The following MYO9B variants were observed in gnomAD, a reference collection of about 807,000 sequenced individuals.
MYO9B encodes myosin IXB.
A neutral mutation model predicts 229.5 loss-of-function variants in MYO9B; 71 were observed. The observed-to-expected ratio is 0.31, with a 90% CI of 0.26 to 0.38. The LOEUF is 0.38. Ranked by LOEUF, MYO9B falls within the 10% of genes least tolerant of loss-of-function variation. The probability of loss-of-function intolerance (pLI) is 1.00; values close to 1 mark genes in which losing one functional copy is unlikely to be tolerated. For missense variants in MYO9B, 2,255 were observed against 2,920.5 expected (o/e 0.77, Z 5.25); for synonymous variants, 1,185 against 1,235.8 (o/e 0.96, Z 0.86).
chr19:17,107,935 TCC>T (rs35509949), intron 2 of MYO9B, among the ~76,000 whole-genome samples: 1 of 152,088 alleles, frequency 6.6e-6, no homozygotes, highest in Non-Finnish European at 1.5e-5. Flanking sequence ...GCCCACAGCA[TCC>T]CCCATACAGC....
intron 2 of MYO9B, among the ~76,000 whole-genome samples, chr19:17,141,354 C>T (rs2072337198): frequency 6.6e-6 from 1 of 152,148 alleles, no homozygotes; most frequent in African/African-American, 2.4e-5. Context: ...CCCAGCCTCT[C>T]AAATGGGAGC....
rs369790194 is a variant in MYO9B at position 17,202,813 on chromosome 19, C to T, written c.4837-29C>T. On this transcript the variant is annotated intron_variant, in intron 28 of 39. Coordinates refer to ENST00000682292, the MANE Select transcript of MYO9B (RefSeq NM_004145.4). ...TTGGGGCTCTTCCCAGGGGGGCCCC[C>T]GCCAACCTCCTCCTTGTGTTCCTCA... 8.9e-6 allele frequency: 14 copies of T among 1,572,220 alleles called. No homozygotes were observed. In the East Asian group the frequency reaches 1.2e-4, roughly 13 times the overall value.
At chr19:17,210,677 CA>C in intron 37 of MYO9B, 37 bp from the exon 38 acceptor site, 1 of 1,500,742 alleles carries the variant, frequency 6.7e-7, no homozygotes, top group Non-Finnish European at 8.9e-7. Context: ...CTCGCCCACT[CA>C]GAGATGTCAG....
Position 17,172,930 on chromosome 19 carries a change from C to T in MYO9B, c.2107C>T (p.Arg703Cys), listed in dbSNP as rs200912082. The T allele has an allele frequency of 1.7e-4, 270 of 1,599,058 alleles. No homozygotes were observed. The highest frequency in any genetic ancestry group is 9.9e-4 in the Middle Eastern group (6 of 6,036). ...CATGGCAGTGCTTCGGGAGGCCGGA[C>T]GCCTGCGGGCCGAGAGGGCCGAAAA... ...RAMAVLREAG[R>C]LRAERAEKAA... Residue 703 changes from arginine (R) to cysteine (C), a missense_variant, in exon 13 of 40, where the codon CGC becomes TGC. By Grantham distance (180) the Arg-to-Cys change is radical. Around this residue, in one of 7 missense-constraint regions of MYO9B, gnomAD observed 155 missense variants for 159.1 expected, o/e 0.97. Transcript: ENST00000682292. The surrounding 1 kb of genome is among the most constrained non-coding windows in gnomAD (Gnocchi z 8.2).
chr19:17,202,413 C>A (rs113780840), intron 28 of MYO9B, 110 bp downstream of exon 28: 1 of 1,090,488 alleles, frequency 9.2e-7, no homozygotes, highest in Non-Finnish European at 1.3e-6. Context: ...CACACCCACC[C>A]ATGCCCTGCC....
chr19:17,201,560 G>A (rs1376568702), intron 26 of MYO9B, among the ~76,000 whole-genome samples: 1 of 152,146 alleles, frequency 6.6e-6, no homozygotes, highest in Middle Eastern at 3.2e-3. Flanking sequence ...GAACTGACCT[G>A]TAGCTCTCAT....
chr19:17,205,166 AG>A, intron 30 of MYO9B, 96 bp from the exon 31 acceptor site: 11 of 841,252 alleles, frequency 1.3e-5, no homozygotes, highest in Admixed American at 5.0e-5. Context: ...AAAAAAAAAA[AG>A]AAGGCAATTG....
intron 19 of MYO9B, among the ~76,000 whole-genome samples, chr19:17,190,064 CAAA>C (rs36086676): frequency 0.55 from 70,294 of 126,918 alleles, 19,467 homozygotes; most frequent in East Asian, 0.76. Context: ...GACTCCGTCT[CAAA>C]AAAAAAAAAA....
rs2073123307 is a variant in MYO9B, at chr19:17,202,892, G to A, written c.4878+9G>A. ...GGAAGCAGGAGCGTGCTGTGAGTAG[G>A]CTGCACATAGATGAGAGTCCGAGCA... On this transcript the variant is annotated intron_variant, in intron 29 of 39. Transcript: ENST00000682292. The A allele has an allele frequency of 6.3e-7, 1 of 1,599,464 alleles. No individual in the cohort carries two copies. Among genetic ancestry groups the A allele is most frequent in the Non-Finnish European group, 8.5e-7 (1 of 1,173,010 alleles).
chr19:17,194,433 G>A, intron 21 of MYO9B, 123 bp from the exon 22 acceptor site: 1 of 1,076,874 alleles, frequency 9.3e-7, no homozygotes, highest in South Asian at 1.5e-5. Context: ...GCATCTCTCA[G>A]GGCCACTGGG....
intron 18 of MYO9B, among the ~76,000 whole-genome samples, chr19:17,187,251 A>G (rs190403882): frequency 9.5e-4 from 145 of 152,336 alleles, no homozygotes; most frequent in African/African-American, 3.3e-3. Context: ...TCCTCAGGAC[A>G]CAGCCCAGCA....
At chr19:17,103,360 G>A (rs2057764297) in intron 2 of MYO9B, 1 of 152,308 alleles carries the variant, frequency 6.6e-6, no homozygotes, top group Admixed American at 6.5e-5. Context: ...AAGGCCACAG[G>A]GGGAAGCACT....
chr19:17,092,534 T>A (rs931944625), intron 1 of MYO9B, among the ~76,000 whole-genome samples: 1 of 152,136 alleles, frequency 6.6e-6, no homozygotes, highest in Non-Finnish European at 1.5e-5. Flanking sequence ...GAGACCAGCC[T>A]GGCCAACATG....
intron 30 of MYO9B, among the ~76,000 whole-genome samples, chr19:17,203,824 T>C (rs1269205028): frequency 6.6e-6 from 1 of 151,988 alleles, no homozygotes; most frequent in African/African-American, 2.4e-5. Context: ...TCTGTCTCTG[T>C]ACACGCTGCT....
At chr19:17,169,110 G>A (rs1192798296) in intron 11 of MYO9B, among the ~76,000 whole-genome samples, 1 of 152,242 alleles carries the variant, frequency 6.6e-6, no homozygotes, top group African/African-American at 2.4e-5. Flanking sequence ...AGTGGCTCAC[G>A]CCTGTAATCC....
intron 37 of MYO9B, 115 bp from the exon 38 acceptor site, chr19:17,210,596 TCTCA>T: frequency 3.0e-6 from 4 of 1,330,000 alleles, no homozygotes; most frequent in Non-Finnish European, 3.0e-6. Flanking sequence ...CCTAGAGAAG[TCTCA>T]CTAAGAGCCC....
chr19:17,181,037 T>G lies in MYO9B; in HGVS notation c.2330T>G (p.Ile777Ser), dbSNP rs536661933. Residue 777 changes from isoleucine (I) to serine (S), a missense_variant, in exon 15 of 40, where the codon ATC becomes AGC. Transcript: ENST00000682292. Reference protein sequence around the residue: ...LSRLQKPRAFILKSKGIKQKQ... With the variant: ...LSRLQKPRAFSLKSKGIKQKQ... ...CGGCTCCAGAAACCCCGCGCCTTCA[T>G]CCTGTGAGTCCCCCACCAAGGCCCT... 35 of 1,602,602 alleles carry G rather than the reference T, an allele frequency of 2.2e-5. No individual in the cohort carries two copies. The East Asian group carries it at 7.0e-4, about 32-fold the overall frequency.
intron 6 of MYO9B, among the ~76,000 whole-genome samples, chr19:17,156,149 GGTTCCT>G (rs2072535070): frequency 6.6e-6 from 1 of 152,142 alleles, no homozygotes; most frequent in African/African-American, 2.4e-5. Flanking sequence ...TCAGGACAGT[GGTTCCT>G]CTGGTGTTGG....
At position 17,177,703 on chromosome 19, in the gene MYO9B, A is replaced by G. The variant is rs1232503070; in HGVS notation, c.2219+1962A>G. The G allele has an allele frequency of 3.3e-5, 5 of 152,266 alleles. No homozygotes were observed. In the East Asian group the frequency reaches 9.7e-4, roughly 30 times the overall value. 9.4% of individuals were successfully genotyped at this position (152,266 alleles called of 1,614,324 possible). On this transcript the variant is annotated intron_variant, in intron 14 of 39. Transcript: ENST00000682292. Reference sequence around the variant, plus strand: ...GACAAAGTGACTTCTGACCTGCGGTAGCAGAAGCAGCATCCATCTCCCCAG... The same window carrying G: ...GACAAAGTGACTTCTGACCTGCGGTGGCAGAAGCAGCATCCATCTCCCCAG...
Sources: gnomAD v4.1 joint callset for allele counts (sites outside exome capture counted in the v4.1 genomes callset) on GRCh38, gnomAD v4.1.1 for gene constraint, gnomAD v4.1.1 regional missense constraint, Gnocchi (gnomAD v3.1) non-coding constraint, MANE v1.5 for transcripts, NCBI Gene and HGNC (gene_info 2026-07-23, HGNC 2026-07-21) for gene names.